The following MLLT3 variants were observed in gnomAD, a reference collection of about 807,000 sequenced individuals.
The protein encoded by MLLT3 is protein AF-9.
MLLT3 carries 4 observed loss-of-function variants against 53.2 expected under a neutral mutation model. The ratio of observed to expected loss-of-function variants is 0.08; its 90% CI spans 0.04 to 0.17. The LOEUF is 0.17. Ranked by LOEUF, MLLT3 falls within the 10% of genes least tolerant of loss-of-function variation. MLLT3 has a pLI of 1.00. For synonymous variants in MLLT3, 283 were observed against 230.6 expected, an observed-to-expected ratio of 1.23 and a Z score of -2.06; for missense variants, 569 against 684.0, an observed-to-expected ratio of 0.83 and a Z score of 1.87.
intron 2 of MLLT3, among the ~76,000 whole-genome samples, chr9:20,508,596 G>A (rs1246232218): frequency 6.6e-6 from 1 of 152,128 alleles, no homozygotes; most frequent in Admixed American, 6.6e-5. Flanking sequence ...AGATGGGTAA[G>A]AACAAACCAC....
intron 2 of MLLT3, among the ~76,000 whole-genome samples, chr9:20,496,086 A>G (rs1018955997): frequency 6.6e-6 from 1 of 152,206 alleles, no homozygotes; most frequent in Non-Finnish European, 1.5e-5. Flanking sequence ...TAGTCCACAG[A>G]ATTTTTAACA....
chr9:20,493,049 T>C (rs1218646001), intron 2 of MLLT3, among the ~76,000 whole-genome samples: 1 of 151,916 alleles, frequency 6.6e-6, no homozygotes, highest in Admixed American at 6.6e-5. Context: ...ATAGGTATTA[T>C]TCCCATTTCC....
Position 20,485,519 on chromosome 9 carries a change from A to C in MLLT3, c.194-28733T>G, listed in dbSNP as rs6475440. Among the ~76,000 whole-genome samples, 672 of 152,182 alleles carry C rather than the reference A, an allele frequency of 4.4e-3. 1 individual carries two copies. Among genetic ancestry groups the C allele is most frequent in the African/African-American group, 0.015 (628 of 41,512 alleles). On this transcript the variant is annotated intron_variant, in intron 2 of 10. Coordinates refer to ENST00000380338, the MANE Select transcript of MLLT3 (RefSeq NM_004529.4). ...AATATATCTTATTTTCGAATAATTC[A>C]TTTACTATAATATCACTACACTTGT...
At chr9:20,567,203 G>A (rs1587077928) in intron 2 of MLLT3, among the ~76,000 whole-genome samples, 2 of 147,540 alleles carry the variant, frequency 1.4e-5, no homozygotes, top group South Asian at 4.3e-4. Context: ...AAAAAGTAGG[G>A]CTGAAAAAAT....
chr9:20,518,899 C>T (rs1817984068), intron 2 of MLLT3, among the ~76,000 whole-genome samples: 2 of 152,150 alleles, frequency 1.3e-5, no homozygotes, highest in Non-Finnish European at 1.5e-5. Flanking sequence ...AGAAACATGA[C>T]AACTAACTGC....
At chr9:20,491,339 G>GT (rs1302537070) in intron 2 of MLLT3, among the ~76,000 whole-genome samples, 6 of 151,950 alleles carry the variant, frequency 3.9e-5, no homozygotes, top group East Asian at 3.9e-4. Flanking sequence ...ATGTGAGAGA[G>GT]TTTTTTCAAG....
chr9:20,492,671 A>G (rs971715280), intron 2 of MLLT3, among the ~76,000 whole-genome samples: 5 of 151,952 alleles, frequency 3.3e-5, no homozygotes, highest in African/African-American at 1.2e-4. Flanking sequence ...TAGTTACTCA[A>G]GAGAAATTAG....
chr9:20,535,111 C>G (rs1818446387), intron 2 of MLLT3, among the ~76,000 whole-genome samples: 1 of 152,144 alleles, frequency 6.6e-6, no homozygotes, highest in African/African-American at 2.4e-5. Flanking sequence ...CACGGCAGGT[C>G]AGCGGCAGGT....
intron 3 of MLLT3, among the ~76,000 whole-genome samples, chr9:20,455,746 A>G (rs1000310429): frequency 1.3e-5 from 2 of 152,162 alleles, no homozygotes; most frequent in Non-Finnish European, 2.9e-5. Context: ...GTGCTTATCT[A>G]TAAGTTACTA....
Position 20,621,903 on chromosome 9 carries a change from G to T in MLLT3, c.12+342C>A, listed in dbSNP as rs760486598. ...GAGTTATTATTCGCCTCCTTCCACC[G>T]TGTGTGTGTGTGTGTGTGAGTGCGC... On this transcript the variant is annotated intron_variant, in intron 1 of 10. Coordinates refer to ENST00000380338, the MANE Select transcript of MLLT3 (RefSeq NM_004529.4). This position sits in a 1 kb window ranked among gnomAD's most constrained non-coding sequence, Gnocchi z 7.0. 26 of 518,068 alleles carry T rather than the reference G, an allele frequency of 5.0e-5. No homozygotes were observed. The African/African-American group carries it at 7.6e-4, about 15-fold the overall frequency. 32.1% of individuals were successfully genotyped at this position (518,068 alleles called of 1,614,324 possible). A position where few individuals can be genotyped will look rare whatever the true frequency, so the allele number is the denominator to read the frequency against.
chr9:20,497,060 AC>A lies in MLLT3; in HGVS notation c.194-40275del, dbSNP rs1160874982. Among the ~76,000 whole-genome samples the A allele has an allele frequency of 3.9e-5, 6 of 152,308 alleles. No homozygotes were observed. In the East Asian group the frequency reaches 9.6e-4, roughly 24 times the overall value. On this transcript the variant is annotated intron_variant, in intron 2 of 10. Transcript: ENST00000380338. ...ATTGGAGTTCTTCTTCCGTGATCAA[AC>A]CACAACTGATTCTCAAAACGGTTTA...
intron 4 of MLLT3, among the ~76,000 whole-genome samples, chr9:20,425,004 C>G (rs953454190): frequency 6.6e-6 from 1 of 152,156 alleles, no homozygotes; most frequent in African/African-American, 2.4e-5. Context: ...CAGACAAGCA[C>G]AGAAGACTTA....
At chr9:20,535,687 C>T (rs1271784523) in intron 2 of MLLT3, among the ~76,000 whole-genome samples, 1 of 152,156 alleles carries the variant, frequency 6.6e-6, no homozygotes. Context: ...CAGCCCTGAA[C>T]CAGCAGGGTC....
intron 7 of MLLT3, among the ~76,000 whole-genome samples, chr9:20,361,688 G>C (rs1011322118): frequency 6.6e-5 from 10 of 152,208 alleles, no homozygotes; most frequent in African/African-American, 2.4e-4. Context: ...TTTCTTTTCA[G>C]AAGAAAATGG....
At chr9:20,554,525 A>T (rs976850293) in intron 2 of MLLT3, among the ~76,000 whole-genome samples, 1 of 152,220 alleles carries the variant, frequency 6.6e-6, no homozygotes, top group East Asian at 1.9e-4. Context: ...TATAAGATGC[A>T]ATAAGAAAGA....
intron 4 of MLLT3, among the ~76,000 whole-genome samples, chr9:20,419,394 C>T (rs1048235300): frequency 3.3e-5 from 5 of 151,482 alleles, no homozygotes; most frequent in Admixed American, 3.3e-4. Context: ...ACCTAACATA[C>T]AGCCATAAGA....
At chr9:20,542,036 T>A (rs1486298230) in intron 2 of MLLT3, among the ~76,000 whole-genome samples, 1 of 152,178 alleles carries the variant, frequency 6.6e-6, no homozygotes, top group Non-Finnish European at 1.5e-5. Context: ...CCCAGTTCTA[T>A]CAGAAGAATC....
intron 2 of MLLT3, among the ~76,000 whole-genome samples, chr9:20,493,932 C>T (rs1407700204): frequency 6.6e-6 from 1 of 151,906 alleles, no homozygotes; most frequent in Non-Finnish European, 1.5e-5. Flanking sequence ...ACACCTAGTC[C>T]CCATGAAGCA....
intron 5 of MLLT3, among the ~76,000 whole-genome samples, chr9:20,399,602 A>G (rs1277853070): frequency 6.6e-6 from 1 of 152,156 alleles, no homozygotes; most frequent in Admixed American, 6.6e-5. Flanking sequence ...AAAGTTAACC[A>G]GGTCATAAAG....
Sources: gnomAD v4.1 joint callset for allele counts (sites outside exome capture counted in the v4.1 genomes callset) on GRCh38, gnomAD v4.1.1 for gene constraint, Gnocchi (gnomAD v3.1) non-coding constraint, MANE v1.5 for transcripts, NCBI Gene and HGNC (gene_info 2026-07-23, HGNC 2026-07-21) for gene names.